Variants in LDAH observed in about 807,000 individuals in gnomAD.
LDAH encodes lipid droplet-associated hydrolase.
LDAH carries 26 observed loss-of-function variants against 29.6 expected under a neutral mutation model. That is an observed-to-expected ratio of 0.88 (90% confidence interval 0.64 to 1.22). The LOEUF (loss-of-function observed/expected upper bound fraction) is 1.22, where lower values mean the gene tolerates loss of function less well. Ranked by LOEUF, LDAH falls within the 50% of genes most tolerant of loss-of-function variation. The probability of loss-of-function intolerance (pLI) is 0.00; values close to 1 mark genes in which losing one functional copy is unlikely to be tolerated. For synonymous variants in LDAH, 117 were observed against 133.0 expected, an observed-to-expected ratio of 0.88 and a Z score of 0.83; for missense variants, 344 against 387.3, an observed-to-expected ratio of 0.89 and a Z score of 0.94.
chr2:20,692,140 G>A (rs1370495885), intron 6 of LDAH, among the ~76,000 whole-genome samples: 1 of 152,178 alleles, frequency 6.6e-6, no homozygotes, highest in Non-Finnish European at 1.5e-5. Flanking sequence ...CTAAGTGGCT[G>A]ACATTCAGAA....
At chr2:20,726,649 TA>T (rs2149409554) in intron 5 of LDAH, among the ~76,000 whole-genome samples, 1 of 152,104 alleles carries the variant, frequency 6.6e-6, no homozygotes, top group South Asian at 2.1e-4. Context: ...AAACTAGACC[TA>T]AAAAAATAAT....
chr2:20,690,904 T>C (rs1182736590), intron 6 of LDAH, among the ~76,000 whole-genome samples: 1 of 152,048 alleles, frequency 6.6e-6, no homozygotes, highest in African/African-American at 2.4e-5. Flanking sequence ...ACAACAATAC[T>C]CTAAGGAAAG....
chr2:20,781,367 T>C (rs1670181477), intron 3 of LDAH, among the ~76,000 whole-genome samples: 1 of 152,214 alleles, frequency 6.6e-6, no homozygotes. Flanking sequence ...TTTTAACATG[T>C]GCTAATATGA....
intron 5 of LDAH, among the ~76,000 whole-genome samples, chr2:20,719,474 A>AAAT (rs960087295): frequency 6.7e-6 from 1 of 149,862 alleles, no homozygotes; most frequent in Non-Finnish European, 1.5e-5. Flanking sequence ...AGTAAGATCT[A>AAAT]AATAATAATA....
At chr2:20,724,767 G>A (rs1665897410) in intron 5 of LDAH, among the ~76,000 whole-genome samples, 1 of 152,230 alleles carries the variant, frequency 6.6e-6, no homozygotes. Context: ...AAAATGGAAG[G>A]TGATGCATAA....
intron 1 of LDAH, among the ~76,000 whole-genome samples, chr2:20,801,994 GTA>G (rs1204804416): frequency 4.0e-5 from 6 of 150,318 alleles, no homozygotes; most frequent in Non-Finnish European, 8.9e-5. Flanking sequence ...GAATATGTGT[GTA>G]TATATATGTA....
At chr2:20,776,694 T>C (rs181898706) in intron 3 of LDAH, among the ~76,000 whole-genome samples, 1 of 152,302 alleles carries the variant, frequency 6.6e-6, no homozygotes, top group Admixed American at 6.5e-5. Flanking sequence ...CAAATCCACC[T>C]TTTTATGCAT....
At chr2:20,808,965 G>T (rs1289268925) in intron 1 of LDAH, among the ~76,000 whole-genome samples, 5 of 152,024 alleles carry the variant, frequency 3.3e-5, no homozygotes, top group Non-Finnish European at 7.4e-5. Context: ...ACAAAATATA[G>T]TACTAGGTAT....
chr2:20,778,996 A>G (rs1469081492), intron 3 of LDAH, among the ~76,000 whole-genome samples: 2 of 152,092 alleles, frequency 1.3e-5, no homozygotes, highest in Non-Finnish European at 2.9e-5. Context: ...TCATACAAAC[A>G]GTATTTATTG....
intron 5 of LDAH, among the ~76,000 whole-genome samples, chr2:20,720,627 A>T (rs1665579322): frequency 6.6e-6 from 1 of 152,148 alleles, no homozygotes; most frequent in African/African-American, 2.4e-5. Flanking sequence ...CAATCCTAAA[A>T]TTTGTATGGA....
chr2:20,810,825 C>A (rs1185339663), intron 1 of LDAH, among the ~76,000 whole-genome samples: 1 of 152,182 alleles, frequency 6.6e-6, no homozygotes, highest in African/African-American at 2.4e-5. Context: ...ATTAAATTCT[C>A]ACAGGAACGC....
intron 5 of LDAH, among the ~76,000 whole-genome samples, chr2:20,733,681 T>C (rs548886913): frequency 1.1e-4 from 17 of 151,934 alleles, no homozygotes; most frequent in Non-Finnish European, 1.9e-4. Flanking sequence ...TGGGATTACA[T>C]GCATGAGCCA....
At chr2:20,760,929 C>A (rs1668641592) in intron 4 of LDAH, among the ~76,000 whole-genome samples, 1 of 152,070 alleles carries the variant, frequency 6.6e-6, no homozygotes, top group Non-Finnish European at 1.5e-5. Flanking sequence ...TGCCACCCAC[C>A]CTAAAGTCTG....
intron 4 of LDAH, among the ~76,000 whole-genome samples, chr2:20,749,850 T>C (rs1028273227): frequency 2.0e-5 from 3 of 152,060 alleles, no homozygotes; most frequent in African/African-American, 4.8e-5. Flanking sequence ...AAAGAAGACA[T>C]ATCTGATGTT....
At chr2:20,767,202 T>C (rs982770594) in intron 4 of LDAH, among the ~76,000 whole-genome samples, 9 of 152,088 alleles carry the variant, frequency 5.9e-5, no homozygotes, top group Admixed American at 5.9e-4. Context: ...GGCTTCATGC[T>C]CCATGGAGCC....
intron 6 of LDAH, among the ~76,000 whole-genome samples, chr2:20,701,163 C>G (rs1663906460): frequency 6.6e-6 from 1 of 152,182 alleles, no homozygotes; most frequent in Non-Finnish European, 1.5e-5. Context: ...CATTCCTACT[C>G]TAACACATTA....
chr2:20,769,905 G>C (rs1337606030), intron 4 of LDAH, among the ~76,000 whole-genome samples: 1 of 152,126 alleles, frequency 6.6e-6, no homozygotes, highest in African/African-American at 2.4e-5. Context: ...CAATAAATTA[G>C]AAGTAGGGAA....
intron 4 of LDAH, among the ~76,000 whole-genome samples, chr2:20,771,417 A>C (rs1278408708): frequency 6.6e-6 from 1 of 152,274 alleles, no homozygotes; most frequent in Non-Finnish European, 1.5e-5. Context: ...ATATGTTATA[A>C]AACATAATAG....
chr2:20,758,271 T>G (rs1351886626), intron 4 of LDAH, among the ~76,000 whole-genome samples: 2 of 152,270 alleles, frequency 1.3e-5, no homozygotes, highest in East Asian at 3.9e-4. Context: ...GAGAATAAAG[T>G]CAGATAGGGA....
Sources: gnomAD v4.1 joint callset for allele counts (sites outside exome capture counted in the v4.1 genomes callset) on GRCh38, gnomAD v4.1.1 for gene constraint, MANE v1.5 for transcripts, NCBI Gene and HGNC (gene_info 2026-07-23, HGNC 2026-07-21) for gene names.